ATP6V1D: variants seen among roughly 807,000 people sequenced by gnomAD.
ATP6V1D encodes ATPase H+ transporting V1 subunit D.
Under a neutral mutation model 39.4 loss-of-function variants are expected in ATP6V1D, and 20 were observed. The observed-to-expected ratio is 0.51, with a 90% confidence interval of 0.36 to 0.74. The LOEUF (loss-of-function observed/expected upper bound fraction) is 0.74, where lower values mean the gene tolerates loss of function less well. Ranked by LOEUF, ATP6V1D falls within the 30% of genes least tolerant of loss-of-function variation. The pLI is 0.00. For synonymous variants in ATP6V1D, 100 were observed against 100.5 expected, an observed-to-expected ratio of 0.99 and a Z score of 0.03; for missense variants, 228 against 291.6, an observed-to-expected ratio of 0.78 and a Z score of 1.59.
chr14:67,358,055 CT>C (rs1274038594), intron 1 of ATP6V1D, among the ~76,000 whole-genome samples: 2 of 152,114 alleles, frequency 1.3e-5, no homozygotes, highest in Non-Finnish European at 2.9e-5. Flanking sequence ...ACAGTAAATT[CT>C]CCCCCTAGCT....
Position 67,343,356 on chromosome 14 carries a change from A to T in ATP6V1D, c.523+16T>A. 1 of 1,597,404 alleles carries T rather than the reference A, an allele frequency of 6.3e-7. No individual in the cohort carries two copies. The highest frequency in any genetic ancestry group is 1.1e-5 in the South Asian group (1 of 89,454). ...ATGGACAAGTGACAAAGCACCTCACAGTACCTAATACTCACCATGTTCAAT... is the reference window on the plus strand; with the variant it reads ...ATGGACAAGTGACAAAGCACCTCACTGTACCTAATACTCACCATGTTCAAT... On this transcript the variant is annotated intron_variant, in intron 7 of 8. Coordinates refer to ENST00000216442, the MANE Select transcript of ATP6V1D (RefSeq NM_015994.4).
At chr14:67,356,131 C>CT (rs1236501445) in intron 1 of ATP6V1D, among the ~76,000 whole-genome samples, 1 of 151,936 alleles carries the variant, frequency 6.6e-6, no homozygotes, top group East Asian at 1.9e-4. Flanking sequence ...TACTAATAAA[C>CT]TTTTTTGGCC....
chr14:67,345,680 C>A, intron 6 of ATP6V1D, 88 bp downstream of exon 6: 1 of 799,614 alleles, frequency 1.3e-6, no homozygotes. Context: ...GTACAAAGCA[C>A]AGTATATGCT....
intron 1 of ATP6V1D, among the ~76,000 whole-genome samples, chr14:67,357,656 T>C (rs1397416519): frequency 1.2e-4 from 18 of 152,228 alleles, no homozygotes; most frequent in Admixed American, 1.2e-3. Context: ...AAAACAGATT[T>C]TATTCAGTAA....
chr14:67,359,201 G>A (rs904481145), intron 1 of ATP6V1D, among the ~76,000 whole-genome samples: 1 of 152,154 alleles, frequency 6.6e-6, no homozygotes, highest in Non-Finnish European at 1.5e-5. Context: ...CCCCACTTTG[G>A]CTTAGGGACC....
intron 1 of ATP6V1D, among the ~76,000 whole-genome samples, chr14:67,358,649 CT>C (rs537196128): frequency 6.6e-6 from 1 of 152,284 alleles, no homozygotes; most frequent in African/African-American, 2.4e-5. Context: ...GCTGTGAGCT[CT>C]GATCATACCA....
chr14:67,358,143 A>G (rs1444323019), intron 1 of ATP6V1D, among the ~76,000 whole-genome samples: 2 of 152,068 alleles, frequency 1.3e-5, no homozygotes, highest in African/African-American at 4.8e-5. Context: ...GGCAGGCCTT[A>G]CATTGCTAGA....
chr14:67,358,021 T>C (rs1447444158), intron 1 of ATP6V1D, among the ~76,000 whole-genome samples: 1 of 152,022 alleles, frequency 6.6e-6, no homozygotes, highest in Non-Finnish European at 1.5e-5. Flanking sequence ...GAGGGGTCTA[T>C]CAATTAGGTG....
intron 7 of ATP6V1D, among the ~76,000 whole-genome samples, chr14:67,341,647 A>C (rs936508095): frequency 6.6e-6 from 1 of 152,004 alleles, no homozygotes; most frequent in Non-Finnish European, 1.5e-5. Flanking sequence ...GGAAGTGAGG[A>C]GCCCCTCTGC....
intron 1 of ATP6V1D, among the ~76,000 whole-genome samples, chr14:67,358,157 T>C (rs934650254): frequency 2.0e-5 from 3 of 152,058 alleles, no homozygotes; most frequent in Admixed American, 2.0e-4. Flanking sequence ...TGCTAGAAGA[T>C]AAACTAGTGT....
At position 67,340,469 on chromosome 14, in the gene ATP6V1D, C is replaced by T. The variant is rs764568962; in HGVS notation, c.573G>A (p.Leu191=). Residue 191 remains leucine (L), a synonymous_variant, in exon 8 of 9, where the codon CTG becomes CTA. Coordinates refer to ENST00000216442, the MANE Select transcript of ATP6V1D (RefSeq NM_015994.4). ...ERTLAYIITE[L]DEREREEFYR... ...AGAACTCTTCTCGCTCTCTCTCATCCAGCTCTGTGATGATATAAGCAAGAG... is the reference window on the plus strand; with the variant it reads ...AGAACTCTTCTCGCTCTCTCTCATCTAGCTCTGTGATGATATAAGCAAGAG... 1.9e-6 allele frequency: 3 copies of T among 1,613,898 alleles called. No homozygotes were observed. The highest frequency in any genetic ancestry group is 2.5e-6 in the Non-Finnish European group (3 of 1,179,892).
chr14:67,341,517 G>C (rs1236876398), intron 7 of ATP6V1D, among the ~76,000 whole-genome samples: 3 of 151,274 alleles, frequency 2.0e-5, no homozygotes, highest in Admixed American at 2.0e-4. Flanking sequence ...GAGGTGGGGG[G>C]GGTCAGCCCC....
At chr14:67,341,734 G>A (rs185117305) in intron 7 of ATP6V1D, among the ~76,000 whole-genome samples, 2,966 of 152,368 alleles carry the variant, frequency 0.019, 38 homozygotes, top group Middle Eastern at 0.034. Flanking sequence ...CGGTTTTGTG[G>A]AATAGAAAAG....
In ATP6V1D at chr14:67,352,998, T is replaced by C; in HGVS notation, c.84A>G (p.Thr28=). 6.2e-7 allele frequency: 1 copy of C among 1,614,134 alleles called. No homozygotes were observed. The highest frequency in any genetic ancestry group is 8.5e-7 in the Non-Finnish European group (1 of 1,179,980). ...IMKARLKGAQ[T]GRNLLKKKSD... The stretch of plus-strand genomic sequence containing the variant: ...ATTTTTTCTTCAGGAGGTTTCGACC[T>C]GTCTGTGCTCCCTTTAAACGAGCCT... Residue 28 remains threonine, a synonymous_variant, in exon 2 of 9, where the codon ACA becomes ACG. Transcript: ENST00000216442.
At chr14:67,344,527 G>A (rs1285114630) in intron 6 of ATP6V1D, among the ~76,000 whole-genome samples, 1 of 152,056 alleles carries the variant, frequency 6.6e-6, no homozygotes, top group Non-Finnish European at 1.5e-5. Context: ...ATGCACAAAC[G>A]ATGTTTATTT....
Position 67,338,317 on chromosome 14 carries a change from T to A in ATP6V1D, c.*304A>T. On this transcript the variant is annotated 3_prime_UTR_variant, in exon 9 of 9. Transcript: ENST00000216442. ...GAGACCGCTAATGCTTCCTAAGAGG[T>A]ATTTCCTAATATGCTTGGTAAGCAG... The A allele has an allele frequency of 4.5e-6, 1 of 219,790 alleles. No homozygotes were observed. The highest frequency in any genetic ancestry group is 2.3e-5 in the African/African-American group (1 of 44,086). The allele number at this position is 219,790 out of a possible 1,614,324, so 13.6% of individuals were successfully genotyped here.
chr14:67,339,468 G>A (rs1276169929), intron 8 of ATP6V1D, among the ~76,000 whole-genome samples: 1 of 152,024 alleles, frequency 6.6e-6, no homozygotes, highest in Non-Finnish European at 1.5e-5. Context: ...CTAACTCCAG[G>A]TCTAAGACCC....
intron 5 of ATP6V1D, among the ~76,000 whole-genome samples, chr14:67,347,167 T>G (rs1446237521): frequency 2.0e-5 from 3 of 151,906 alleles, no homozygotes; most frequent in African/African-American, 7.3e-5. Context: ...ATATTTTTTG[T>G]AGAGATGGAG....
chr14:67,350,304 GA>G (rs11413065), intron 3 of ATP6V1D, among the ~76,000 whole-genome samples: 1 of 147,484 alleles, frequency 6.8e-6, no homozygotes, highest in African/African-American at 2.5e-5. Context: ...AGCATTAGGA[GA>G]AAAAAAAAAT....
Sources: allele counts gnomAD v4.1 joint callset (sites outside exome capture counted in the v4.1 genomes callset), GRCh38; gene constraint gnomAD v4.1.1; transcripts MANE v1.5; gene names NCBI Gene and HGNC (gene_info 2026-07-23, HGNC 2026-07-21).